The following ARHGEF12 variants were observed in gnomAD, a reference collection of about 807,000 sequenced individuals.
ARHGEF12 encodes Rho guanine nucleotide exchange factor 12.
Under a neutral mutation model 211.2 loss-of-function variants are expected in ARHGEF12, and 66 were observed. The ratio of observed to expected loss-of-function variants is 0.31; its 90% confidence interval spans 0.26 to 0.38. The LOEUF is 0.38. Among genes scored for constraint, ARHGEF12 ranks in the 10% least tolerant of loss-of-function variants. The probability of loss-of-function intolerance (pLI) is 1.00; values close to 1 mark genes in which losing one functional copy is unlikely to be tolerated. For synonymous variants in ARHGEF12, 592 were observed against 638.4 expected (o/e 0.93, Z 1.09); for missense variants, 1,429 against 1,869.5 (o/e 0.76, Z 4.34).
intron 22 of ARHGEF12, among the ~76,000 whole-genome samples, chr11:120,454,216 C>T (rs1409182599): frequency 6.6e-6 from 1 of 152,128 alleles, no homozygotes; most frequent in Non-Finnish European, 1.5e-5. Context: ...TCATTAAACA[C>T]GAACATCATT....
At chr11:120,357,819 C>T (rs997985290) in intron 1 of ARHGEF12, among the ~76,000 whole-genome samples, 2 of 152,230 alleles carry the variant, frequency 1.3e-5, no homozygotes, top group African/African-American at 4.8e-5. Context: ...ATCCGCCCAC[C>T]TCAGCCTCCC....
At chr11:120,410,438 T>G (rs530901473) in intron 4 of ARHGEF12, 1 of 152,154 alleles carries the variant, frequency 6.6e-6, no homozygotes, top group African/African-American at 2.4e-5. Context: ...CGAAGGGAAA[T>G]CAGGTCATCT....
chr11:120,476,623 G>T, intron 33 of ARHGEF12, 38 bp from the exon 34 acceptor site: 1 of 1,543,468 alleles, frequency 6.5e-7, no homozygotes, highest in Non-Finnish European at 8.9e-7. Context: ...GCCTCCCCAG[G>T]TCATAGTATT....
chr11:120,385,087 A>G (rs982804270), intron 1 of ARHGEF12, among the ~76,000 whole-genome samples: 23 of 152,012 alleles, frequency 1.5e-4, no homozygotes, highest in Non-Finnish European at 3.1e-4. Flanking sequence ...TTTTGCAAGT[A>G]TTTTTAATTT....
Position 120,447,006 on chromosome 11 carries a change from G to C in ARHGEF12, c.1510G>C (p.Glu504Gln). 1 of 1,614,216 alleles carries C rather than the reference G, an allele frequency of 6.2e-7. No individual in the cohort carries two copies. Among genetic ancestry groups the C allele is most frequent in the Non-Finnish European group, 8.5e-7 (1 of 1,180,034 alleles). The change falls in exon 18 of 41, where the codon GAG becomes CAG. Residue 504 changes from glutamate to glutamine, a missense_variant. By Grantham distance (29) the Glu-to-Gln change is conservative. Around this residue, in one of 7 missense-constraint regions of ARHGEF12, gnomAD observed 373 missense variants for 467.5 expected, o/e 0.80. Coordinates refer to ENST00000397843, the MANE Select transcript of ARHGEF12 (RefSeq NM_015313.3). ...AAGCGAGCTGACTAAACTTGATGCAGAGCGAGACAAGGACCGATTGACTTT... is the reference window on the plus strand; with the variant it reads ...AAGCGAGCTGACTAAACTTGATGCACAGCGAGACAAGGACCGATTGACTTT... ...AESELTKLDAERDKDRLTLEK... is the reference protein window; with the variant it reads ...AESELTKLDAQRDKDRLTLEK...
chr11:120,429,639 A>G, intron 9 of ARHGEF12, 73 bp from the exon 10 acceptor site: 2 of 1,565,312 alleles, frequency 1.3e-6, no homozygotes, highest in African/African-American at 1.4e-5. Context: ...TATATTATTG[A>G]TTAAGAATGG....
chr11:120,383,302 T>G (rs1025179712), intron 1 of ARHGEF12, among the ~76,000 whole-genome samples: 3 of 152,080 alleles, frequency 2.0e-5, no homozygotes, highest in South Asian at 2.1e-4. Context: ...AGGGACCGGT[T>G]TTGTTGTAGA....
At chr11:120,372,854 A>G (rs1229571341) in intron 1 of ARHGEF12, among the ~76,000 whole-genome samples, 1 of 152,130 alleles carries the variant, frequency 6.6e-6, no homozygotes, top group Non-Finnish European at 1.5e-5. Flanking sequence ...TCAGATGTGA[A>G]GTTTTTAAAA....
Position 120,457,155 on chromosome 11 carries a change from C to T in ARHGEF12, c.2094C>T (p.Asp698=), listed in dbSNP as rs748655275. 6.8e-5 allele frequency: 110 copies of T among 1,613,912 alleles called. No individual in the cohort carries two copies. In the Admixed American group the frequency reaches 1.8e-3, roughly 26 times the overall value. ...KQVGETSAPG[D]TLDGTPRTLN... Reference sequence around the variant, plus strand: ...TTGGAGAAACATCAGCACCTGGAGACACCTTAGATGGCACACCTCGTACTC... The same window carrying T: ...TTGGAGAAACATCAGCACCTGGAGATACCTTAGATGGCACACCTCGTACTC... Residue 698 remains aspartate, a synonymous_variant, in exon 23 of 41, where the codon GAC becomes GAT. Coordinates refer to ENST00000397843, the MANE Select transcript of ARHGEF12 (RefSeq NM_015313.3).
chr11:120,436,165 G>A (rs1036997381), intron 11 of ARHGEF12, among the ~76,000 whole-genome samples: 2 of 152,044 alleles, frequency 1.3e-5, no homozygotes, highest in Non-Finnish European at 2.9e-5. Flanking sequence ...TCTTTTGTTG[G>A]TGGGAGCCCC....
chr11:120,374,870 A>C (rs993391280), intron 1 of ARHGEF12, among the ~76,000 whole-genome samples: 3 of 152,214 alleles, frequency 2.0e-5, no homozygotes, highest in Non-Finnish European at 2.9e-5. Flanking sequence ...ATTAAATTAA[A>C]TCTACCATAC....
chr11:120,394,046 A>G (rs955309449), intron 1 of ARHGEF12, among the ~76,000 whole-genome samples: 9 of 152,204 alleles, frequency 5.9e-5, no homozygotes, highest in Non-Finnish European at 1.0e-4. Flanking sequence ...TTGGAAAATA[A>G]CACAATTCTT....
chr11:120,365,498 C>T (rs1565430717), intron 1 of ARHGEF12, among the ~76,000 whole-genome samples: 1 of 152,142 alleles, frequency 6.6e-6, no homozygotes, highest in Non-Finnish European at 1.5e-5. Flanking sequence ...AAATGTAATA[C>T]ATTTGAGATG....
At chr11:120,435,640 G>T (rs193038883) in intron 11 of ARHGEF12, among the ~76,000 whole-genome samples, 1 of 149,158 alleles carries the variant, frequency 6.7e-6, no homozygotes, top group South Asian at 2.1e-4. Flanking sequence ...TCAGCCTTCC[G>T]AGTAGCTGGG....
chr11:120,453,000 AAAAAAC>A (rs895388159), intron 22 of ARHGEF12, among the ~76,000 whole-genome samples: 1 of 146,712 alleles, frequency 6.8e-6, no homozygotes, highest in African/African-American at 2.5e-5. Flanking sequence ...ACTCCATCTC[AAAAAAC>A]AAAAACAAAA....
rs1947199862 is a variant in ARHGEF12 at position 120,480,437 on chromosome 11, A to G, written c.4237+7A>G. ...GTTAATTTACGCATCTCAGGCAAGT[A>G]TCTTTCACACTTAAACTTTGATTTT... On this transcript the variant is annotated splice_region_variant and intron_variant, in intron 38 of 40. Coordinates refer to ENST00000397843, the MANE Select transcript of ARHGEF12 (RefSeq NM_015313.3). The G allele has an allele frequency of 6.3e-7, 1 of 1,597,220 alleles. No individual in the cohort carries two copies. The highest frequency in any genetic ancestry group is 1.3e-5 in the African/African-American group (1 of 74,316).
chr11:120,428,328 C>A, intron 8 of ARHGEF12, 81 bp downstream of exon 8: 3 of 1,187,286 alleles, frequency 2.5e-6, no homozygotes, highest in Non-Finnish European at 2.2e-6. Flanking sequence ...TTCAAGTATT[C>A]GGCTGATGAA....
At position 120,489,759 on chromosome 11, in the gene ARHGEF12, G is replaced by A. The variant is rs748384943; in HGVS notation, c.*4682G>A. 5.2e-5 allele frequency: 10 copies of A among 194,010 alleles called. No homozygotes were observed. The highest frequency in any genetic ancestry group is 1.9e-4 in the South Asian group (1 of 5,186). 12.0% of individuals were successfully genotyped at this position (194,010 alleles called of 1,614,324 possible). On this transcript the variant is annotated 3_prime_UTR_variant, in exon 41 of 41. Transcript: ENST00000397843. ...TTAAGACTATTCAAATGTACTTTGC[G>A]GAAATTAACCTGTTTGTATGCCTGG...
In ARHGEF12 at chr11:120,347,192, C is replaced by CTTTCTT. The variant is rs1171353851; in HGVS notation, c.32+9919_32+9924dup. On this transcript the variant is annotated intron_variant, in intron 1 of 40. Transcript: ENST00000397843. ...CCTTCCTTCCTTCCTTCCTTTCTTT[C>CTTTCTT]TTTCTTTCTTTCTCTTTCTTTTTCT... Among the ~76,000 whole-genome samples the CTTTCTT allele has an allele frequency of 4.4e-5, 6 of 135,330 alleles. No homozygotes were observed. The East Asian group carries it at 1.2e-3, about 27-fold the overall frequency. The allele number at this position is 135,330 out of a possible 152,430, so 88.8% of individuals were successfully genotyped here.
Sources: allele counts gnomAD v4.1 joint callset (sites outside exome capture counted in the v4.1 genomes callset), GRCh38; gene constraint gnomAD v4.1.1; regional missense constraint gnomAD v4.1.1; transcripts MANE v1.5; gene names NCBI Gene and HGNC (gene_info 2026-07-23, HGNC 2026-07-21).